NEBL: variants seen among roughly 807,000 people sequenced by gnomAD.
The protein encoded by NEBL is nebulette, also known as LIM and SH3 protein 2.
Under a neutral mutation model 140.2 loss-of-function variants are expected in NEBL, and 122 were observed. The ratio of observed to expected loss-of-function variants is 0.87; its 90% CI spans 0.75 to 1.01. The LOEUF (loss-of-function observed/expected upper bound fraction) is 1.01, where lower values mean the gene tolerates loss of function less well. Ranked by LOEUF, NEBL falls within the 50% of genes least tolerant of loss-of-function variation. The pLI, the probability that NEBL is intolerant of heterozygous loss-of-function variation, is 0.00. For synonymous variants in NEBL, 436 were observed against 398.9 expected (o/e 1.09, Z -1.11); for missense variants, 1,365 against 1,231.3 (o/e 1.11, Z -1.62).
At chr10:20,807,312 C>A (rs895717434) in intron 26 of NEBL, among the ~76,000 whole-genome samples, 1 of 152,110 alleles carries the variant, frequency 6.6e-6, no homozygotes, top group Non-Finnish European at 1.5e-5. Flanking sequence ...GGCAACAGAG[C>A]AAGACTCTAT....
chr10:21,007,109 C>T (rs1205323849), intron 3 of NEBL, among the ~76,000 whole-genome samples: 1 of 150,800 alleles, frequency 6.6e-6, no homozygotes, highest in East Asian at 1.9e-4. Flanking sequence ...GAATGAAATA[C>T]AGAAAAAAAA....
intron 4 of NEBL, among the ~76,000 whole-genome samples, chr10:20,945,586 G>C (rs1204435528): frequency 6.6e-6 from 1 of 152,228 alleles, no homozygotes; most frequent in Non-Finnish European, 1.5e-5. Flanking sequence ...ATCTGAGTGA[G>C]ATTCTCCTTA....
chr10:21,125,731 T>C, intron 2 of NEBL: 1 of 918,278 alleles, frequency 1.1e-6, no homozygotes, highest in Non-Finnish European at 1.7e-6. Context: ...TGAAGTCACA[T>C]GTGCTCCACA....
chr10:21,139,943 G>C (rs750974263), intron 2 of NEBL, among the ~76,000 whole-genome samples: 2 of 148,034 alleles, frequency 1.4e-5, no homozygotes, highest in Non-Finnish European at 1.5e-5. Flanking sequence ...TTGAGGCCAG[G>C]AGTTCGAGAC....
chr10:20,979,567 T>C (rs1316191157), intron 3 of NEBL, among the ~76,000 whole-genome samples: 3 of 152,256 alleles, frequency 2.0e-5, no homozygotes, highest in African/African-American at 7.2e-5. Flanking sequence ...GATCTTTCAA[T>C]GTACAGAGTA....
chr10:21,002,164 G>GTT (rs199822950), intron 3 of NEBL, among the ~76,000 whole-genome samples: 2 of 144,580 alleles, frequency 1.4e-5, no homozygotes, highest in South Asian at 2.2e-4. Context: ...AGGAGGGAGG[G>GTT]TTTTTTTTTT....
At chr10:21,141,678 A>G (rs1348100298) in intron 2 of NEBL, among the ~76,000 whole-genome samples, 1 of 152,266 alleles carries the variant, frequency 6.6e-6, no homozygotes, top group Admixed American at 6.5e-5. Flanking sequence ...AAGAGACTAG[A>G]ACAAGATTGA....
chr10:20,903,934 C>T (rs1433276163), intron 4 of NEBL, among the ~76,000 whole-genome samples: 1 of 151,254 alleles, frequency 6.6e-6, no homozygotes, highest in Non-Finnish European at 1.5e-5. Context: ...GTGACAAGTG[C>T]ACTAAAATCT....
At chr10:21,102,750 T>C (rs567145951) in intron 2 of NEBL, among the ~76,000 whole-genome samples, 6 of 152,356 alleles carry the variant, frequency 3.9e-5, no homozygotes, top group South Asian at 2.1e-4. Flanking sequence ...TTTAGAGCTA[T>C]CAGAAATAAA....
At chr10:21,285,407 C>A (rs909252880) in intron 1 of NEBL, among the ~76,000 whole-genome samples, 6 of 152,206 alleles carry the variant, frequency 3.9e-5, no homozygotes, top group African/African-American at 1.4e-4. Flanking sequence ...CAAAAGAATG[C>A]AACCATTCCT....
At chr10:21,066,874 C>T (rs1835573826) in intron 2 of NEBL, among the ~76,000 whole-genome samples, 1 of 151,588 alleles carries the variant, frequency 6.6e-6, no homozygotes, top group Non-Finnish European at 1.5e-5. Flanking sequence ...TTTAAGGACA[C>T]TTAAGAACTT....
chr10:20,860,561 CAAAAAGAAA>C lies in NEBL; in HGVS notation c.685-744_685-736del, dbSNP rs1398905184. Among the ~76,000 whole-genome samples, 19 of 61,948 alleles carry C rather than the reference CAAAAAGAAA, an allele frequency of 3.1e-4. 1 individual carries two copies. Among genetic ancestry groups the C allele is most frequent in the East Asian group, 4.7e-4 (1 of 2,112 alleles). 40.6% of individuals were successfully genotyped at this position (61,948 alleles called of 152,430 possible). On this transcript the variant is annotated intron_variant, in intron 7 of 27. Coordinates refer to ENST00000377122, the MANE Select transcript of NEBL (RefSeq NM_006393.3). ...TTAGAATATAAACACAAGTTCACTA[CAAAAAGAAA>C]AAAAAAAAAAAAAAAAACCTAGCTA...
intron 2 of NEBL, among the ~76,000 whole-genome samples, chr10:21,037,795 A>G (rs553971911): frequency 6.2e-4 from 93 of 149,284 alleles, no homozygotes; most frequent in African/African-American, 2.2e-3. Flanking sequence ...TTGGAGGTCA[A>G]AAAACACTCC....
intron 2 of NEBL, among the ~76,000 whole-genome samples, chr10:21,095,278 G>C (rs542869051): frequency 4.1e-4 from 62 of 152,200 alleles, no homozygotes; most frequent in African/African-American, 1.5e-3. Flanking sequence ...AAAAGGTAAA[G>C]ACATTTGGCC....
intron 3 of NEBL, among the ~76,000 whole-genome samples, chr10:20,990,560 A>C (rs915079899): frequency 6.6e-6 from 1 of 152,230 alleles, no homozygotes; most frequent in Non-Finnish European, 1.5e-5. Context: ...CTCAGCCTCC[A>C]AATCACTGAG....
intron 26 of NEBL, among the ~76,000 whole-genome samples, chr10:20,807,229 G>A (rs1220502316): frequency 6.6e-6 from 1 of 152,144 alleles, no homozygotes; most frequent in Non-Finnish European, 1.5e-5. Flanking sequence ...AGGCGGCTGA[G>A]GCACAAGAAT....
chr10:21,257,469 G>A (rs1842672841), intron 1 of NEBL, among the ~76,000 whole-genome samples: 2 of 152,284 alleles, frequency 1.3e-5, no homozygotes, highest in South Asian at 4.1e-4. Context: ...TATGTAAAGT[G>A]CCTGGCACAT....
At chr10:21,244,237 C>A (rs1842485561) in intron 3 of NEBL, among the ~76,000 whole-genome samples, 1 of 151,974 alleles carries the variant, frequency 6.6e-6, no homozygotes, top group African/African-American at 2.4e-5. Context: ...CCGATCTTGG[C>A]TCACTGCAAC....
intron 3 of NEBL, among the ~76,000 whole-genome samples, chr10:21,227,706 T>TC (rs1491264480): frequency 2.4e-5 from 2 of 84,020 alleles, no homozygotes; most frequent in African/African-American, 6.6e-5. Context: ...TTCTTCTTCT[T>TC]CTTCTTTCTT....
Sources: gnomAD v4.1 joint callset for allele counts (sites outside exome capture counted in the v4.1 genomes callset) on GRCh38, gnomAD v4.1.1 for gene constraint, MANE v1.5 for transcripts, NCBI Gene and HGNC (gene_info 2026-07-23, HGNC 2026-07-21) for gene names.